MACROD2: variants seen among roughly 807,000 people sequenced by gnomAD.
MACROD2 encodes ADP-ribose glycohydrolase MACROD2.
MACROD2 carries 36 observed loss-of-function variants against 70.4 expected under a neutral mutation model. That is an observed-to-expected ratio of 0.51 (90% CI 0.39 to 0.68). The LOEUF is 0.68. Among genes scored for constraint, MACROD2 ranks in the 30% least tolerant of loss-of-function variants. MACROD2 has a pLI of 0.00. For missense variants in MACROD2, 496 were observed against 538.4 expected, an observed-to-expected ratio of 0.92 and a Z score of 0.78; for synonymous variants, 172 against 178.8, an observed-to-expected ratio of 0.96 and a Z score of 0.30.
chr20:15,520,822 C>T (rs1322060924), intron 8 of MACROD2, among the ~76,000 whole-genome samples: 1 of 152,240 alleles, frequency 6.6e-6, no homozygotes, highest in Non-Finnish European at 1.5e-5. Flanking sequence ...GACAGAATCC[C>T]TGGCCTGTGC....
chr20:15,584,746 G>A (rs905906299), intron 8 of MACROD2, among the ~76,000 whole-genome samples: 1 of 152,190 alleles, frequency 6.6e-6, no homozygotes, highest in Non-Finnish European at 1.5e-5. Flanking sequence ...GGCCACAGCA[G>A]CTTCCCAGCA....
rs190802783 is a variant in MACROD2 at position 15,633,765 on chromosome 20, T to A, written c.645+133918T>A. 2.0e-5 allele frequency among the ~76,000 whole-genome samples: 3 copies of A among 152,312 alleles called. No homozygotes were observed. In the East Asian group the frequency reaches 5.8e-4, roughly 29 times the overall value. On this transcript the variant is annotated intron_variant, in intron 8 of 17. Coordinates refer to ENST00000684519, the MANE Select transcript of MACROD2 (RefSeq NM_001351661.2). Reference sequence around the variant, plus strand: ...AAGTTAATAGTATTTTAAATGAATGTTTATTTTTTATGGCTTTGTGTAGCA... The same window carrying A: ...AAGTTAATAGTATTTTAAATGAATGATTATTTTTTATGGCTTTGTGTAGCA...
At chr20:14,766,704 A>G (rs1016854770) in intron 5 of MACROD2, among the ~76,000 whole-genome samples, 5 of 152,154 alleles carry the variant, frequency 3.3e-5, no homozygotes, top group Non-Finnish European at 7.3e-5. Flanking sequence ...CAAGGAATCC[A>G]TGTAGGATAG....
At chr20:15,533,978 A>G (rs1387857619) in intron 8 of MACROD2, among the ~76,000 whole-genome samples, 1 of 152,210 alleles carries the variant, frequency 6.6e-6, no homozygotes, top group Non-Finnish European at 1.5e-5. Context: ...CTTCTTGGCT[A>G]TGACACCTTA....
chr20:14,006,482 T>G (rs1486536097), intron 2 of MACROD2, among the ~76,000 whole-genome samples: 1 of 152,194 alleles, frequency 6.6e-6, no homozygotes, highest in African/African-American at 2.4e-5. Flanking sequence ...AGATGGCATA[T>G]TTTTGTTGTT....
chr20:14,835,290 G>A (rs1194751661), intron 5 of MACROD2, among the ~76,000 whole-genome samples: 1 of 151,974 alleles, frequency 6.6e-6, no homozygotes, highest in Admixed American at 6.6e-5. Context: ...ATATGAAGTA[G>A]GAGTTCTATT....
chr20:14,191,414 TA>T (rs1236698847), intron 3 of MACROD2, among the ~76,000 whole-genome samples: 4 of 152,224 alleles, frequency 2.6e-5, no homozygotes, highest in African/African-American at 9.6e-5. Context: ...GGATCGTTTT[TA>T]ATTTTAAATG....
At chr20:15,413,580 G>T (rs2046107691) in intron 6 of MACROD2, among the ~76,000 whole-genome samples, 2 of 152,170 alleles carry the variant, frequency 1.3e-5, no homozygotes, top group Admixed American at 1.3e-4. Context: ...TGTGATTGGG[G>T]AGTGTTATTT....
At chr20:14,695,080 TC>T (rs1435395024) in intron 5 of MACROD2, among the ~76,000 whole-genome samples, 1 of 152,040 alleles carries the variant, frequency 6.6e-6, no homozygotes, top group Non-Finnish European at 1.5e-5. Context: ...TGTATTAGCT[TC>T]CTAGGGCTGC....
chr20:15,045,492 T>A (rs575020937), intron 5 of MACROD2, among the ~76,000 whole-genome samples: 1 of 152,182 alleles, frequency 6.6e-6, no homozygotes, highest in African/African-American at 2.4e-5. Context: ...GCGGAAAACA[T>A]GATGTTTAGC....
At chr20:15,142,699 CCCCACCCTGTG>C (rs1022589181) in intron 5 of MACROD2, among the ~76,000 whole-genome samples, 8 of 143,388 alleles carry the variant, frequency 5.6e-5, no homozygotes, top group African/African-American at 1.5e-4. Context: ...GTGTGATGTT[CCCCACCCTGTG>C]CCCGAGTGTT....
At chr20:15,194,399 C>A (rs949670925) in intron 5 of MACROD2, among the ~76,000 whole-genome samples, 8 of 151,976 alleles carry the variant, frequency 5.3e-5, no homozygotes, top group Non-Finnish European at 1.2e-4. Flanking sequence ...TGATTTCATG[C>A]ATGCTTTAAC....
intron 8 of MACROD2, among the ~76,000 whole-genome samples, chr20:15,796,304 A>T (rs1002754403): frequency 6.6e-6 from 1 of 152,214 alleles, no homozygotes; most frequent in Non-Finnish European, 1.5e-5. Flanking sequence ...CGCAAGGCAG[A>T]TGGACACATT....
At chr20:15,899,283 C>T (rs1192228888) in intron 10 of MACROD2, among the ~76,000 whole-genome samples, 1 of 151,706 alleles carries the variant, frequency 6.6e-6, no homozygotes, top group Admixed American at 6.6e-5. Flanking sequence ...TACATACATA[C>T]AGATATATAC....
intron 3 of MACROD2, among the ~76,000 whole-genome samples, chr20:14,464,441 C>G (rs2084413332): frequency 6.6e-6 from 1 of 151,952 alleles, no homozygotes; most frequent in South Asian, 2.1e-4. Flanking sequence ...CTTTATGAGT[C>G]TTGCTAGCGG....
intron 6 of MACROD2, among the ~76,000 whole-genome samples, chr20:15,379,939 A>G (rs982546294): frequency 1.3e-5 from 2 of 152,154 alleles, no homozygotes; most frequent in Non-Finnish European, 2.9e-5. Flanking sequence ...TAACTTTCTG[A>G]TTTCTTCTCC....
chr20:14,729,333 T>C (rs773632321), intron 5 of MACROD2, among the ~76,000 whole-genome samples: 2 of 152,182 alleles, frequency 1.3e-5, no homozygotes, highest in East Asian at 1.9e-4. Flanking sequence ...CTAGACTAGA[T>C]ATGTTGACAA....
chr20:15,315,408 T>C (rs2077798998), intron 6 of MACROD2, among the ~76,000 whole-genome samples: 1 of 152,050 alleles, frequency 6.6e-6, no homozygotes, highest in Non-Finnish European at 1.5e-5. Flanking sequence ...ATAACCAAAC[T>C]GTTAAACACT....
At chr20:15,979,678 C>T (rs2066367209) in intron 13 of MACROD2, among the ~76,000 whole-genome samples, 1 of 152,036 alleles carries the variant, frequency 6.6e-6, no homozygotes, top group African/African-American at 2.4e-5. Flanking sequence ...GGCAAAATGG[C>T]CAGATTTCAA....
Sources: gnomAD v4.1 joint callset for allele counts (sites outside exome capture counted in the v4.1 genomes callset) on GRCh38, gnomAD v4.1.1 for gene constraint, MANE v1.5 for transcripts, NCBI Gene and HGNC (gene_info 2026-07-23, HGNC 2026-07-21) for gene names.